Variants in TENM3 observed in about 807,000 individuals in gnomAD.
TENM3 encodes the protein teneurin transmembrane protein 3, also known as teneurin-3.
TENM3 carries 63 observed loss-of-function variants against 255.1 expected under a neutral mutation model. The ratio of observed to expected loss-of-function variants is 0.25; its 90% confidence interval spans 0.20 to 0.30. The LOEUF is 0.30. Among genes scored for constraint, TENM3 ranks in the 10% least tolerant of loss-of-function variants. The pLI is 1.00. For synonymous variants in TENM3, 1,306 were observed against 1,322.3 expected, an observed-to-expected ratio of 0.99 and a Z score of 0.27; for missense variants, 2,929 against 3,461.1, an observed-to-expected ratio of 0.85 and a Z score of 3.86.
the TENM3 span, among the ~76,000 whole-genome samples, chr4:181,757,064 A>C: frequency 6.6e-6 from 1 of 152,160 alleles, no homozygotes; most frequent in South Asian, 2.1e-4. Flanking sequence ...CACAGATGTA[A>C]ACCCGCCATC....
At chr4:181,632,377 G>A in the TENM3 span, among the ~76,000 whole-genome samples, 3 of 152,162 alleles carry the variant, frequency 2.0e-5, no homozygotes, top group African/African-American at 7.2e-5. Flanking sequence ...AATTCCAGAT[G>A]AAATGTGGGT....
intron 1 of TENM3, among the ~76,000 whole-genome samples, chr4:182,202,427 TC>T (rs1754244967): frequency 6.7e-6 from 1 of 150,116 alleles, no homozygotes; most frequent in African/African-American, 2.5e-5. Flanking sequence ...TGCCTCAGCC[TC>T]CCAAGCAGCT....
the TENM3 span, among the ~76,000 whole-genome samples, chr4:181,623,951 TTTC>T: frequency 6.6e-6 from 1 of 152,226 alleles, no homozygotes; most frequent in Non-Finnish European, 1.5e-5. Flanking sequence ...GTGGTGTTCT[TTTC>T]TTCTTCTCAA....
intron 3 of TENM3, among the ~76,000 whole-genome samples, chr4:182,348,670 A>G (rs1218440497): frequency 6.6e-6 from 1 of 152,196 alleles, no homozygotes; most frequent in Non-Finnish European, 1.5e-5. Flanking sequence ...TTTCTCTCTA[A>G]TAACAAAGGT....
the TENM3 span, among the ~76,000 whole-genome samples, chr4:182,103,757 A>G: frequency 7.2e-5 from 11 of 152,206 alleles, no homozygotes; most frequent in African/African-American, 2.4e-4. Flanking sequence ...TTGTGCCATT[A>G]TAATAATGGT....
the TENM3 span, among the ~76,000 whole-genome samples, chr4:181,645,002 A>C: frequency 6.6e-6 from 1 of 152,220 alleles, no homozygotes; most frequent in East Asian, 1.9e-4. Context: ...TGAAATAAAC[A>C]GGCATTTGAG....
intron 3 of TENM3, among the ~76,000 whole-genome samples, chr4:182,552,073 A>C (rs1036023899): frequency 6.6e-6 from 1 of 151,984 alleles, no homozygotes; most frequent in African/African-American, 2.4e-5. Context: ...TGGGAGTGAC[A>C]AGACTGTTCA....
chr4:181,571,452 T>C, the TENM3 span, among the ~76,000 whole-genome samples: 4 of 152,132 alleles, frequency 2.6e-5, no homozygotes, highest in African/African-American at 9.7e-5. Flanking sequence ...TTCTCCCTCT[T>C]CAGTCTCCTG....
chr4:181,750,307 T>C, the TENM3 span, among the ~76,000 whole-genome samples: 1 of 152,170 alleles, frequency 6.6e-6, no homozygotes, highest in African/African-American at 2.4e-5. Flanking sequence ...TGGTGCCTAG[T>C]ATGTGTCCTA....
chr4:181,895,151 G>A, the TENM3 span, among the ~76,000 whole-genome samples: 2 of 151,776 alleles, frequency 1.3e-5, no homozygotes, highest in Non-Finnish European at 2.9e-5. Flanking sequence ...ATTAACATAC[G>A]CTGTTAAATT....
At chr4:182,021,441 C>G in the TENM3 span, among the ~76,000 whole-genome samples, 4 of 152,148 alleles carry the variant, frequency 2.6e-5, no homozygotes, top group African/African-American at 7.2e-5. Context: ...CTCTTTCTCA[C>G]TTCACCTAAA....
intron 2 of TENM3, among the ~76,000 whole-genome samples, chr4:182,338,613 G>C (rs146845521): frequency 0.031 from 4,770 of 152,220 alleles, 106 homozygotes; most frequent in Non-Finnish European, 0.043. Context: ...TAACATGAAA[G>C]TTGTACATAT....
chr4:182,436,094 G>T (rs1049847713), intron 3 of TENM3, among the ~76,000 whole-genome samples: 11 of 151,988 alleles, frequency 7.2e-5, no homozygotes, highest in African/African-American at 2.4e-4. Context: ...TGTGAAGGTC[G>T]TAGGGACTCT....
the TENM3 span, among the ~76,000 whole-genome samples, chr4:181,661,525 A>G: frequency 4.6e-5 from 7 of 152,190 alleles, no homozygotes; most frequent in Admixed American, 4.6e-4. Context: ...ACTAATATCT[A>G]GAGCAAAGCT....
At chr4:182,283,707 G>A (rs1760544898) in intron 1 of TENM3, among the ~76,000 whole-genome samples, 1 of 152,184 alleles carries the variant, frequency 6.6e-6, no homozygotes, top group South Asian at 2.1e-4. Flanking sequence ...TACTGCGGTG[G>A]ATGTGGTGGG....
chr4:182,148,017 CAAAAT>C lies in TENM3; in HGVS notation c.-76+3282_-76+3286del, dbSNP rs142867350. ...CAGACCTGATGGAAATTTTGTGCTTCAAAATAAAATAAAATAAAATAAACCTTAGT... is the reference window on the plus strand; with the variant it reads ...CAGACCTGATGGAAATTTTGTGCTTCAAAATAAAATAAAATAAACCTTAGT... On this transcript the variant is annotated intron_variant, in intron 1 of 2. Transcript: ENST00000512480. Among the ~76,000 whole-genome samples, 659 of 152,054 alleles carry C rather than the reference CAAAAT, an allele frequency of 4.3e-3. 3 individuals are homozygous for C. The highest frequency in any genetic ancestry group is 0.013 in the African/African-American group (559 of 41,514).
intron 1 of TENM3, among the ~76,000 whole-genome samples, chr4:182,202,336 A>G (rs1254860027): frequency 1.7e-5 from 2 of 114,826 alleles, no homozygotes; most frequent in East Asian, 4.6e-4. Context: ...ATGGAGTTTC[A>G]CTGTTGTTGC....
At chr4:181,737,647 A>G in the TENM3 span, among the ~76,000 whole-genome samples, 12 of 152,220 alleles carry the variant, frequency 7.9e-5, no homozygotes, top group African/African-American at 2.6e-4. Context: ...TCCTCAGTCT[A>G]TCATAAAGAT....
intron 12 of TENM3, among the ~76,000 whole-genome samples, chr4:182,706,980 ACT>A (rs1013955626): frequency 1.5e-4 from 22 of 150,562 alleles, no homozygotes; most frequent in African/African-American, 5.4e-4. Context: ...AAACAAAAAG[ACT>A]CTGCTATGAG....
Sources: gnomAD v4.1 joint callset for allele counts (sites outside exome capture counted in the v4.1 genomes callset) on GRCh38, gnomAD v4.1.1 for gene constraint, MANE v1.5 for transcripts, NCBI Gene and HGNC (gene_info 2026-07-23, HGNC 2026-07-21) for gene names.